The following AGXT2 variants were observed in gnomAD, a reference collection of about 807,000 sequenced individuals.
The protein encoded by AGXT2 is alanine--glyoxylate aminotransferase 2.
In AGXT2, 61 loss-of-function variants were observed where a neutral mutation model predicts 62.5. The observed-to-expected ratio is 0.98, with a 90% CI of 0.79 to 1.21. The LOEUF is 1.21. Among genes scored for constraint, AGXT2 ranks in the 50% most tolerant of loss-of-function variants. AGXT2 has a pLI of 0.00. For synonymous variants in AGXT2, 243 were observed against 218.7 expected (o/e 1.11, Z -0.98); for missense variants, 666 against 641.5 (o/e 1.04, Z -0.41).
Position 35,011,610 on chromosome 5 carries a change from A to C in AGXT2, c.1188+1344T>G, listed in dbSNP as rs184778751. Among the ~76,000 whole-genome samples the C allele has an allele frequency of 4.0e-3, 602 of 152,250 alleles. 3 individuals are homozygous for C. Among genetic ancestry groups the C allele is most frequent in the African/African-American group, 0.014 (582 of 41,552 alleles). ...TGTTTTCTTATTTATTTTTATTTAA[A>C]ATTTTTTTGGAATAGGTAAATCAAG... On this transcript the variant is annotated intron_variant, in intron 11 of 13. Coordinates refer to ENST00000231420, the MANE Select transcript of AGXT2 (RefSeq NM_031900.4).
intron 12 of AGXT2, among the ~76,000 whole-genome samples, chr5:35,006,644 A>G (rs1766435492): frequency 6.6e-6 from 1 of 152,196 alleles, no homozygotes; most frequent in Non-Finnish European, 1.5e-5. Flanking sequence ...TGGGGATTAC[A>G]TTTCAACATG....
At chr5:35,040,960 C>G (rs149557514) in intron 1 of AGXT2, among the ~76,000 whole-genome samples, 24 of 152,190 alleles carry the variant, frequency 1.6e-4, no homozygotes, top group African/African-American at 5.8e-4. Flanking sequence ...TGTCGATTCT[C>G]TCATCAGTAG....
intron 13 of AGXT2, among the ~76,000 whole-genome samples, chr5:35,003,374 G>T (rs188256564): frequency 1.4e-4 from 22 of 152,266 alleles, no homozygotes; most frequent in Non-Finnish European, 2.8e-4. Flanking sequence ...GCTAAGAACG[G>T]CCAGAATTGC....
chr5:34,999,536 GAAGAGTTAGAGAAAAATCACAC>G (rs775917367), intron 13 of AGXT2, among the ~76,000 whole-genome samples: 3 of 152,160 alleles, frequency 2.0e-5, no homozygotes, highest in Non-Finnish European at 2.9e-5. Flanking sequence ...AGATGGCTGA[GAAGAGTTAGAGAAAAATCACAC>G]AGCTAGGCTG....
In AGXT2 at chr5:35,017,720, G is replaced by A. The variant is rs542415527; in HGVS notation, c.964-3601C>T. ...CACCAGTAACGGAACAAAGCTGGAC[G>A]GAGAATGACTTTGACGAGTTGAGAG... On this transcript the variant is annotated intron_variant, in intron 9 of 13. Transcript: ENST00000231420. Among the ~76,000 whole-genome samples the A allele has an allele frequency of 4.9e-4, 74 of 152,332 alleles. No homozygotes were observed. The East Asian group carries it at 5.0e-3, about 10-fold the overall frequency.
intron 9 of AGXT2, among the ~76,000 whole-genome samples, chr5:35,015,300 A>G (rs1561217584): frequency 6.6e-6 from 1 of 152,228 alleles, no homozygotes; most frequent in Non-Finnish European, 1.5e-5. Context: ...AGTGCCTGAT[A>G]CAAAGTAGAC....
At chr5:35,033,820 T>C (rs185980921) in intron 5 of AGXT2, among the ~76,000 whole-genome samples, 1 of 152,334 alleles carries the variant, frequency 6.6e-6, no homozygotes, top group East Asian at 1.9e-4. Context: ...CCTACTCTAT[T>C]ATTCCATAGT....
At chr5:35,014,778 T>G (rs560192154) in intron 9 of AGXT2, among the ~76,000 whole-genome samples, 1 of 152,162 alleles carries the variant, frequency 6.6e-6, no homozygotes, top group Non-Finnish European at 1.5e-5. Context: ...TGATGAGCGT[T>G]TCCTCTGTGT....
intron 13 of AGXT2, among the ~76,000 whole-genome samples, chr5:34,999,384 A>G (rs1269392345): frequency 1.3e-5 from 2 of 152,140 alleles, no homozygotes; most frequent in East Asian, 3.9e-4. Context: ...CTTTCTACCC[A>G]GCTCAGAACG....
chr5:35,042,548 C>T (rs1269263909), intron 1 of AGXT2, among the ~76,000 whole-genome samples: 1 of 151,712 alleles, frequency 6.6e-6, no homozygotes, highest in Non-Finnish European at 1.5e-5. Context: ...ATTTGATGGA[C>T]AGAAAGAAAC....
At chr5:35,009,240 A>G (rs559833622) in intron 12 of AGXT2, among the ~76,000 whole-genome samples, 1 of 152,274 alleles carries the variant, frequency 6.6e-6, no homozygotes, top group Non-Finnish European at 1.5e-5. Flanking sequence ...ACAAGTAACA[A>G]CATTCCTCCC....
At chr5:35,037,308 G>A (rs1441622571) in intron 3 of AGXT2, among the ~76,000 whole-genome samples, 1 of 152,200 alleles carries the variant, frequency 6.6e-6, no homozygotes, top group East Asian at 1.9e-4. Flanking sequence ...GATTACAAGG[G>A]ATTTTAGAAA....
intron 1 of AGXT2, among the ~76,000 whole-genome samples, chr5:35,045,362 C>T (rs1768146790): frequency 6.6e-6 from 1 of 152,152 alleles, no homozygotes. Flanking sequence ...TATTCCCTTT[C>T]CAGATTTGGT....
At chr5:35,045,757 CTTTTTTCTTTTTTTT>C (rs1476383256) in intron 1 of AGXT2, among the ~76,000 whole-genome samples, 1 of 63,602 alleles carries the variant, frequency 1.6e-5, no homozygotes, top group Non-Finnish European at 3.8e-5. Flanking sequence ...TTTTCTTTTT[CTTTTTTCTTTTTTTT>C]TTTTTTTTTT....
chr5:35,026,040 GA>G (rs1767331528), intron 8 of AGXT2, 185 bp from the exon 9 acceptor site: 3 of 631,048 alleles, frequency 4.8e-6, no homozygotes, highest in South Asian at 1.9e-5. Context: ...ATGACTTCTG[GA>G]AAAAAGATGC....
intron 13 of AGXT2, 44 bp downstream of exon 13, chr5:35,003,719 G>A (rs1340822417): frequency 6.5e-7 from 1 of 1,539,782 alleles, no homozygotes; most frequent in African/African-American, 1.4e-5. Flanking sequence ...AAATCAGAGA[G>A]ACTCCTACCT....
At chr5:35,039,292 A>C (rs1313232595) in intron 3 of AGXT2, 32 bp downstream of exon 3, 1 of 1,606,508 alleles carries the variant, frequency 6.2e-7, no homozygotes, top group Admixed American at 1.7e-5. Context: ...ATTCTTTTGG[A>C]ATAAAAATCT....
chr5:35,023,817 G>C (rs974478698), intron 9 of AGXT2, among the ~76,000 whole-genome samples: 1 of 152,176 alleles, frequency 6.6e-6, no homozygotes, highest in Non-Finnish European at 1.5e-5. Context: ...GGCAGAAATT[G>C]CAAAATTTCT....
At chr5:35,000,187 T>C (rs927534070) in intron 13 of AGXT2, among the ~76,000 whole-genome samples, 1 of 152,126 alleles carries the variant, frequency 6.6e-6, no homozygotes, top group Admixed American at 6.5e-5. Flanking sequence ...TGGAATCCAC[T>C]GGTCATCTTC....
Sources: gnomAD v4.1 joint callset for allele counts (sites outside exome capture counted in the v4.1 genomes callset) on GRCh38, gnomAD v4.1.1 for gene constraint, MANE v1.5 for transcripts, NCBI Gene and HGNC (gene_info 2026-07-23, HGNC 2026-07-21) for gene names.